The following SH3BP4 variants were observed in gnomAD, a reference collection of about 807,000 sequenced individuals.
SH3BP4 encodes the protein SH3 domain-binding protein 4.
Under a neutral mutation model 65.5 loss-of-function variants are expected in SH3BP4, and 33 were observed. The ratio of observed to expected loss-of-function variants is 0.50; its 90% CI spans 0.38 to 0.67. The LOEUF (loss-of-function observed/expected upper bound fraction) is 0.67. Among genes scored for constraint, SH3BP4 ranks in the 30% least tolerant of loss-of-function variants. The pLI is 0.00. For missense variants in SH3BP4, 1,134 were observed against 1,261.4 expected, an observed-to-expected ratio of 0.90 and a Z score of 1.53; for synonymous variants, 552 against 545.5, an observed-to-expected ratio of 1.01 and a Z score of -0.17.
rs1446277891 is a variant in SH3BP4 at position 234,978,316 on chromosome 2, T to C, written c.-206-16987T>C. ...GAGAAGAGCTTCATTCATTAATTCA[T>C]CCATTCATTCATTCATTCAACAAGT... is the stretch of plus-strand genomic sequence containing the variant. On this transcript the variant is annotated intron_variant, in intron 1 of 5. Transcript: ENST00000392011. The surrounding 1 kb of genome is among the most constrained non-coding windows in gnomAD (Gnocchi z 4.1). 2.0e-5 allele frequency among the ~76,000 whole-genome samples: 3 copies of C among 152,238 alleles called. No individual in the cohort carries two copies. The highest frequency in any genetic ancestry group is 7.2e-5 in the African/African-American group (3 of 41,470).
intron 1 of SH3BP4, among the ~76,000 whole-genome samples, chr2:234,965,584 A>G (rs1429513580): frequency 6.6e-6 from 1 of 152,224 alleles, no homozygotes; most frequent in East Asian, 1.9e-4. Flanking sequence ...AAATAGTGAA[A>G]AGCTGGGAGA....
rs1693960834 is a variant in SH3BP4 at position 234,997,562 on chromosome 2, C to T, written c.-133+2186C>T. On this transcript the variant is annotated intron_variant, in intron 2 of 5. Transcript: ENST00000392011. The surrounding 1 kb of genome is among the most constrained non-coding windows in gnomAD (Gnocchi z 4.2). ...ACAGGAGGCCTGCAGCAGAGCACGG[C>T]CGATTGCTCCTCCGGGGAGTGTCAG... Among the ~76,000 whole-genome samples, 1 of 152,174 alleles carries T rather than the reference C, an allele frequency of 6.6e-6. No homozygotes were observed. Among genetic ancestry groups the T allele is most frequent in the African/African-American group, 2.4e-5 (1 of 41,458 alleles).
intron 3 of SH3BP4, among the ~76,000 whole-genome samples, chr2:235,038,534 A>G (rs1473234336): frequency 6.7e-6 from 1 of 149,584 alleles, no homozygotes; most frequent in Non-Finnish European, 1.5e-5. Flanking sequence ...TATTACAGAT[A>G]TATAATTTCT....
chr2:235,014,048 G>A (rs537361327), intron 2 of SH3BP4, among the ~76,000 whole-genome samples: 14 of 151,614 alleles, frequency 9.2e-5, no homozygotes, highest in Non-Finnish European at 1.6e-4. Flanking sequence ...TTACTAAAAG[G>A]TTTATCATAA....
chr2:235,042,040 C>T lies in SH3BP4; in HGVS notation c.1271C>T (p.Pro424Leu). 1.9e-6 allele frequency: 3 copies of T among 1,614,064 alleles called. No homozygotes were observed. Among genetic ancestry groups the T allele is most frequent in the Non-Finnish European group, 2.5e-6 (3 of 1,180,022 alleles). Residue 424 changes from proline (P) to leucine (L), a missense_variant, in exon 4 of 6, where the codon CCA becomes CTA. Transcript: ENST00000392011. This position sits in a 1 kb window ranked among gnomAD's most constrained non-coding sequence, Gnocchi z 7.3. ...QCLRSDSKEGPYVSVPLNCSC... is the reference protein window; with the variant it reads ...QCLRSDSKEGLYVSVPLNCSC... The stretch of plus-strand genomic sequence containing the variant: ...CTGAGGAGCGACTCGAAGGAAGGGC[C>T]ATATGTCTCCGTCCCGCTCAACTGC...
At chr2:235,049,738 C>T (rs151125944) in intron 4 of SH3BP4, among the ~76,000 whole-genome samples, 1 of 152,282 alleles carries the variant, frequency 6.6e-6, no homozygotes, top group African/African-American at 2.4e-5. Flanking sequence ...ATAATCCAGA[C>T]CGGTATTACA....
rs1377250100 is a variant in SH3BP4, at chr2:234,974,804, G to A, written c.-206-20499G>A. ...GTGTTGGGGTGCTTTCTGGACAAGG[G>A]TGAGGGGAGGGGAAGGAATCTGAGC... On this transcript the variant is annotated intron_variant, in intron 1 of 5. Transcript: ENST00000392011. The surrounding 1 kb of genome is among the most constrained non-coding windows in gnomAD (Gnocchi z 4.6). Among the ~76,000 whole-genome samples the A allele has an allele frequency of 1.3e-5, 2 of 152,180 alleles. No individual in the cohort carries two copies. The highest frequency in any genetic ancestry group is 2.9e-5 in the Non-Finnish European group (2 of 68,028).
At chr2:234,984,512 T>G (rs549922847) in intron 1 of SH3BP4, among the ~76,000 whole-genome samples, 1 of 152,300 alleles carries the variant, frequency 6.6e-6, no homozygotes, top group East Asian at 1.9e-4. Flanking sequence ...CCCTGTCCTT[T>G]TCAGTGTAAA....
intron 2 of SH3BP4, among the ~76,000 whole-genome samples, chr2:235,018,743 A>G (rs1028130227): frequency 3.9e-5 from 6 of 152,112 alleles, no homozygotes; most frequent in African/African-American, 1.4e-4. Flanking sequence ...TTCCTGAGTG[A>G]CTGAGTCATA....
In SH3BP4 at chr2:234,996,913, T is replaced by C. The variant is rs905368524; in HGVS notation, c.-133+1537T>C. On this transcript the variant is annotated intron_variant, in intron 2 of 5. Transcript: ENST00000392011. ...GTCCCTCTCGGGCTCCAGCAGTTCCTTGGGCGGCACGCATGTGGTTTGCTT... is the reference window on the plus strand; with the variant it reads ...GTCCCTCTCGGGCTCCAGCAGTTCCCTGGGCGGCACGCATGTGGTTTGCTT... 1.3e-4 allele frequency among the ~76,000 whole-genome samples: 20 copies of C among 152,054 alleles called. No individual in the cohort carries two copies. In the East Asian group the frequency reaches 3.7e-3, roughly 28 times the overall value.
chr2:235,037,278 G>C (rs1234321502), intron 3 of SH3BP4, among the ~76,000 whole-genome samples: 1 of 152,090 alleles, frequency 6.6e-6, no homozygotes, highest in Non-Finnish European at 1.5e-5. Context: ...CCCTTCCCCA[G>C]TGTCCCCAGC....
chr2:234,994,570 C>T (rs907937425), intron 1 of SH3BP4: 4 of 152,044 alleles, frequency 2.6e-5, no homozygotes, highest in Admixed American at 1.3e-4. Flanking sequence ...CTCTCAAAGG[C>T]GCCGGCTCTG....
At chr2:235,023,780 A>AT (rs919739426) in intron 2 of SH3BP4, among the ~76,000 whole-genome samples, 21 of 152,166 alleles carry the variant, frequency 1.4e-4, no homozygotes, top group Non-Finnish European at 7.4e-5. Context: ...GTGGATTTAA[A>AT]TTTTTAAATA....
At position 235,046,530 on chromosome 2, in the gene SH3BP4, G is replaced by T. The variant is rs1004203835; in HGVS notation, c.2478+3283G>T. Reference sequence around the variant, plus strand: ...GAGGCTACACTGAGCTATGATCGCAGCACTGCACTCCAGCCTGGACAACAG... The same window carrying T: ...GAGGCTACACTGAGCTATGATCGCATCACTGCACTCCAGCCTGGACAACAG... On this transcript the variant is annotated intron_variant, in intron 4 of 5. Transcript: ENST00000392011. The surrounding 1 kb of genome is among the most constrained non-coding windows in gnomAD (Gnocchi z 4.2). 1.3e-5 allele frequency among the ~76,000 whole-genome samples: 2 copies of T among 152,018 alleles called. No homozygotes were observed. Among genetic ancestry groups the T allele is most frequent in the African/African-American group, 4.8e-5 (2 of 41,356 alleles).
intron 1 of SH3BP4, among the ~76,000 whole-genome samples, chr2:234,981,149 G>T (rs1025801483): frequency 3.3e-5 from 5 of 152,186 alleles, no homozygotes; most frequent in Admixed American, 2.6e-4. Context: ...GCACAATTCT[G>T]AATTTTTCTG....
intron 2 of SH3BP4, among the ~76,000 whole-genome samples, chr2:234,996,538 G>A (rs1164622230): frequency 6.6e-5 from 10 of 152,320 alleles, no homozygotes; most frequent in Admixed American, 3.3e-4. Context: ...GGGCCTCAGC[G>A]ACTTGAAACA....
Position 234,955,461 on chromosome 2 carries a change from CG to C in SH3BP4, c.-207+3293del, listed in dbSNP as rs570118497. On this transcript the variant is annotated intron_variant, in intron 1 of 5. Transcript: ENST00000392011. ...CTCCAGGAAGCCGAAACCAGCTCCT[CG>C]GTGGGCCCTGAGGGCGTCCACGTGT... Among the ~76,000 whole-genome samples the C allele has an allele frequency of 2.9e-4, 44 of 152,276 alleles. 1 individual carries two copies. The South Asian group carries it at 8.9e-3, about 31-fold the overall frequency.
In SH3BP4 at chr2:235,051,412, C is replaced by T. The variant is rs185190666; in HGVS notation, c.2479-1150C>T. 1.1e-3 allele frequency among the ~76,000 whole-genome samples: 171 copies of T among 152,256 alleles called. 2 individuals are homozygous for T. Among genetic ancestry groups the T allele is most frequent in the Non-Finnish European group, 2.9e-4 (20 of 68,016 alleles). The stretch of plus-strand genomic sequence containing the variant: ...TTCAATGCCTGTCCCATCCAGCCCC[C>T]GTTTTTAGGAGGGAATTGAGTCCCA... On this transcript the variant is annotated intron_variant, in intron 4 of 5. Transcript: ENST00000392011.
intron 2 of SH3BP4, among the ~76,000 whole-genome samples, chr2:235,032,829 G>A (rs1016071032): frequency 6.6e-6 from 1 of 152,276 alleles, no homozygotes; most frequent in Non-Finnish European, 1.5e-5. Context: ...AGGGAGTCTC[G>A]GTCCAGGGCG....
Sources: allele counts gnomAD v4.1 joint callset (sites outside exome capture counted in the v4.1 genomes callset), GRCh38; gene constraint gnomAD v4.1.1; non-coding constraint Gnocchi (gnomAD v3.1); transcripts MANE v1.5; gene names NCBI Gene and HGNC (gene_info 2026-07-23, HGNC 2026-07-21).